Variants in F10 observed in about 807,000 individuals in gnomAD.
F10 encodes the protein Stuart-Prower factor.
Under a neutral mutation model 37.1 loss-of-function variants are expected in F10, and 29 were observed. The observed-to-expected ratio is 0.78, with a 90% confidence interval of 0.58 to 1.07. F10 has a LOEUF of 1.07. Among genes scored for constraint, F10 ranks in the 50% least tolerant of loss-of-function variants. The probability of loss-of-function intolerance (pLI) is 0.00; values close to 1 mark genes in which losing one functional copy is unlikely to be tolerated. For missense variants in F10, 539 were observed against 667.9 expected (o/e 0.81, Z 2.13); for synonymous variants, 262 against 268.6 (o/e 0.98, Z 0.24).
chr13:113,146,078 G>A lies in F10; in HGVS notation c.748-1301G>A, dbSNP rs554415983. ...CCCAGGTCTTCCCCCACCCCAGACC[G>A]TGTGGCGGGTGAGCCTCTGTCTAAC... On this transcript the variant is annotated intron_variant, in intron 6 of 7. Transcript: ENST00000375559. The surrounding 1 kb of genome is among the most constrained non-coding windows in gnomAD (Gnocchi z 4.5). Among the ~76,000 whole-genome samples, 46 of 152,286 alleles carry A rather than the reference G, an allele frequency of 3.0e-4. No individual in the cohort carries two copies. Among genetic ancestry groups the A allele is most frequent in the East Asian group, 1.7e-3 (9 of 5,182 alleles).
rs1041008291 is a variant in F10 at position 113,143,293 on chromosome 13, T to G, written c.503-558T>G. 6.6e-6 allele frequency among the ~76,000 whole-genome samples: 1 copy of G among 152,196 alleles called. No individual in the cohort carries two copies. The highest frequency in any genetic ancestry group is 1.9e-4 in the East Asian group (1 of 5,186). On this transcript the variant is annotated intron_variant, in intron 5 of 7. Coordinates refer to ENST00000375559, the MANE Select transcript of F10 (RefSeq NM_000504.4). The surrounding 1 kb of genome is among the most constrained non-coding windows in gnomAD (Gnocchi z 6.8). ...TCCTAACATCTCGGCGTGGCCTCTC[T>G]GGGAGCTGTGCTATTCCAGACGCTC...
In F10 at chr13:113,141,193, CT is replaced by C. The variant is rs2036524865; in HGVS notation, c.502+144del. ...GACACCAAGAGGACAGGACTGAGCC[CT>C]GGGCTCCGGGCCCAGGTGGTTCAAA... On this transcript the variant is annotated intron_variant, in intron 5 of 7. Coordinates refer to ENST00000375559, the MANE Select transcript of F10 (RefSeq NM_000504.4). This position sits in a 1 kb window ranked among gnomAD's most constrained non-coding sequence, Gnocchi z 5.4. 2 of 1,222,862 alleles carry C rather than the reference CT, an allele frequency of 1.6e-6. No individual in the cohort carries two copies. The highest frequency in any genetic ancestry group is 2.1e-5 in the Admixed American group (1 of 47,834). 75.8% of individuals were successfully genotyped at this position (1,222,862 alleles called of 1,614,324 possible).
rs2036505365 is a variant in F10 at position 113,139,244 on chromosome 13, C to T, written c.257-113C>T. On this transcript the variant is annotated intron_variant, in intron 3 of 7. Transcript: ENST00000375559. The surrounding 1 kb of genome is among the most constrained non-coding windows in gnomAD (Gnocchi z 5.2). ...GAGGGGGAGTTGTTTACAGAGAAACCGGAAGACTCTTCCAGTTATCTGAAC... is the reference window on the plus strand; with the variant it reads ...GAGGGGGAGTTGTTTACAGAGAAACTGGAAGACTCTTCCAGTTATCTGAAC... 3 of 807,622 alleles carry T rather than the reference C, an allele frequency of 3.7e-6. No individual in the cohort carries two copies. The highest frequency in any genetic ancestry group is 1.7e-5 in the African/African-American group (1 of 58,832). The allele number at this position is 807,622 out of a possible 1,614,324, so 50.0% of individuals were successfully genotyped here.
In F10 at chr13:113,143,024, G is replaced by C. The variant is rs901492772; in HGVS notation, c.503-827G>C. Among the ~76,000 whole-genome samples the C allele has an allele frequency of 1.3e-5, 2 of 152,196 alleles. No homozygotes were observed. The highest frequency in any genetic ancestry group is 4.8e-5 in the African/African-American group (2 of 41,446). ...CACATGGACAGAGCTGAGGCACGGC[G>C]GGGTGGAGGCCCCTGCGGCTGGCAG... is the stretch of plus-strand genomic sequence containing the variant. On this transcript the variant is annotated intron_variant, in intron 5 of 7. Coordinates refer to ENST00000375559, the MANE Select transcript of F10 (RefSeq NM_000504.4). This position sits in a 1 kb window ranked among gnomAD's most constrained non-coding sequence, Gnocchi z 6.8.
chr13:113,130,584 C>T (rs1256186160), intron 2 of F10: 1 of 152,286 alleles, frequency 6.6e-6, no homozygotes, highest in Non-Finnish European at 1.5e-5. Flanking sequence ...TAACTGTGGA[C>T]CCAAATGGAA....
Position 113,144,241 on chromosome 13 carries a change from C to A in F10, c.747+146C>A. ...AGAGGGGCTCCGCCACCCAAGCCTG[C>A]CTGCCTGTCCCCTCCCTCCGGGCAG... On this transcript the variant is annotated intron_variant, in intron 6 of 7. Coordinates refer to ENST00000375559, the MANE Select transcript of F10 (RefSeq NM_000504.4). The surrounding 1 kb of genome is among the most constrained non-coding windows in gnomAD (Gnocchi z 6.4). 2.4e-6 allele frequency: 3 copies of A among 1,246,288 alleles called. No homozygotes were observed. Among genetic ancestry groups the A allele is most frequent in the Non-Finnish European group, 2.2e-6 (2 of 892,072 alleles). 77.2% of individuals were successfully genotyped at this position (1,246,288 alleles called of 1,614,324 possible). A position where few individuals can be genotyped will look rare whatever the true frequency, so the allele number is the denominator to read the frequency against.
At chr13:113,134,920 A>G (rs551065614) in intron 2 of F10, among the ~76,000 whole-genome samples, 5 of 152,322 alleles carry the variant, frequency 3.3e-5, no homozygotes, top group Admixed American at 2.6e-4. Flanking sequence ...TACAGTGTTC[A>G]TGGATTGAAA....
chr13:113,129,630 C>A lies in F10; in HGVS notation c.231+18C>A. Reference sequence around the variant, plus strand: ...ACAAGACGGTAAGGGCTGGGGATAGCCTGGCTGTTGGTAAGGAGCTCAGGC... The same window carrying A: ...ACAAGACGGTAAGGGCTGGGGATAGACTGGCTGTTGGTAAGGAGCTCAGGC... On this transcript the variant is annotated intron_variant, in intron 2 of 7. Transcript: ENST00000375559. 6.2e-7 allele frequency: 1 copy of A among 1,613,840 alleles called. No individual in the cohort carries two copies. The highest frequency in any genetic ancestry group is 8.5e-7 in the Non-Finnish European group (1 of 1,179,948).
rs1209145230 is a variant in F10, at chr13:113,144,724, T to A, written c.747+629T>A. On this transcript the variant is annotated intron_variant, in intron 6 of 7. Transcript: ENST00000375559. The surrounding 1 kb of genome is among the most constrained non-coding windows in gnomAD (Gnocchi z 6.4). ...AAAGAAAATCACTCTTTGAGGCTTTTTTGTTAAGAGACAGTACCTTGCTCT... is the reference window on the plus strand; with the variant it reads ...AAAGAAAATCACTCTTTGAGGCTTTATTGTTAAGAGACAGTACCTTGCTCT... Among the ~76,000 whole-genome samples the A allele has an allele frequency of 3.3e-5, 5 of 152,236 alleles. No homozygotes were observed. In the East Asian group the frequency reaches 9.6e-4, roughly 29 times the overall value.
intron 2 of F10, 96 bp downstream of exon 2, chr13:113,129,708 A>G (rs1874763655): frequency 1.3e-6 from 2 of 1,527,644 alleles, no homozygotes; most frequent in Admixed American, 1.7e-5. Context: ...GGCGGCCTGG[A>G]GGAAGGGGCA....
At position 113,129,589 on chromosome 13, in the gene F10, G is replaced by T. The variant is rs769426085; in HGVS notation, c.208G>T (p.Val70Phe). ...CTGCTCATACGAAGAGGCCCGCGAG[G>T]TCTTTGAGGACAGCGACAAGACGGT... ...ETCSYEEAREVFEDSDKTNEF... is the reference protein window; with the variant it reads ...ETCSYEEAREFFEDSDKTNEF... The change falls in exon 2 of 8, where the codon GTC becomes TTC. Residue 70 changes from valine (V) to phenylalanine (F), a missense_variant. Val to Phe is a conservative substitution (Grantham distance 50). Around this residue, in one of 2 missense-constraint regions of F10, gnomAD observed 130 missense variants for 120.0 expected, o/e 1.08. Transcript: ENST00000375559. 6.2e-7 allele frequency: 1 copy of T among 1,614,124 alleles called. No individual in the cohort carries two copies. The highest frequency in any genetic ancestry group is 1.3e-5 in the African/African-American group (1 of 74,944).
In F10 at chr13:113,143,700, C is replaced by CGAA; in HGVS notation, c.503-150_503-149insAAG. ...CTGCAGATCCGACCCCTGCCGACGA[C>CGAA]GTGGGGCCTCGCCCTGCAAGCCCGC... On this transcript the variant is annotated intron_variant, in intron 5 of 7. Transcript: ENST00000375559. The surrounding 1 kb of genome is among the most constrained non-coding windows in gnomAD (Gnocchi z 6.8). 1.0e-4 allele frequency: 119 copies of CGAA among 1,143,790 alleles called. No individual in the cohort carries two copies. Among genetic ancestry groups the CGAA allele is most frequent in the Admixed American group, 4.2e-4 (17 of 40,562 alleles). The allele number at this position is 1,143,790 out of a possible 1,614,324, so 70.9% of individuals were successfully genotyped here.
chr13:113,129,456 C>A lies in F10; in HGVS notation c.75C>A (p.Phe25Leu). ...CCTGTCCTCCCTGCCTTCCAGTGTTCATCCGCAGGGAGCAGGCCAACAACA... is the reference window on the plus strand; with the variant it reads ...CCTGTCCTCCCTGCCTTCCAGTGTTAATCCGCAGGGAGCAGGCCAACAACA... Reference protein sequence around the residue: ...AGLLLLGESLFIRREQANNIL... With the variant: ...AGLLLLGESLLIRREQANNIL... The change falls in exon 2 of 8, where the codon TTC (phenylalanine) becomes TTA (leucine). Residue 25 changes from phenylalanine (F) to leucine (L), a missense_variant. This residue lies in a region of F10 where 130 missense variants were observed against 120.0 expected (regional missense o/e 1.08). Transcript: ENST00000375559. The A allele has an allele frequency of 5.6e-6, 9 of 1,613,742 alleles. No homozygotes were observed. The highest frequency in any genetic ancestry group is 7.6e-6 in the Non-Finnish European group (9 of 1,180,000).
chr13:113,149,277 C>A lies in F10; in HGVS notation c.1227C>A (p.Thr409=), dbSNP rs760820739. ...ACATGTTCTGTGCCGGCTACGACAC[C>A]AAGCAGGAGGATGCCTGCCAGGGGG... ...TQNMFCAGYD[T]KQEDACQGDS... is the part of the protein sequence containing the mutation. Residue 409 remains threonine, a synonymous_variant, in exon 8 of 8, where the codon ACC becomes ACA. Transcript: ENST00000375559. The surrounding 1 kb of genome is among the most constrained non-coding windows in gnomAD (Gnocchi z 7.5). The A allele has an allele frequency of 3.7e-6, 6 of 1,613,086 alleles. No individual in the cohort carries two copies. The highest frequency in any genetic ancestry group is 5.1e-6 in the Non-Finnish European group (6 of 1,180,040).
In F10 at chr13:113,145,893, T is replaced by G. The variant is rs551829453; in HGVS notation, c.748-1486T>G. Among the ~76,000 whole-genome samples the G allele has an allele frequency of 3.5e-4, 54 of 152,254 alleles. 1 individual carries two copies. In the South Asian group the frequency reaches 0.011, roughly 31 times the overall value. The stretch of plus-strand genomic sequence containing the variant: ...CACGGGAAATATGGGAGCTACAGTT[T>G]GAGATGAGATTTGGGTGGGGACACA... On this transcript the variant is annotated intron_variant, in intron 6 of 7. Coordinates refer to ENST00000375559, the MANE Select transcript of F10 (RefSeq NM_000504.4).
At chr13:113,123,033 G>T in intron 1 of F10, 108 bp downstream of exon 1, 3 of 1,319,988 alleles carry the variant, frequency 2.3e-6, no homozygotes, top group South Asian at 2.5e-5. Flanking sequence ...GGTGCCTTGA[G>T]TGCTGCCAGA....
At chr13:113,133,986 T>C (rs554796789) in intron 2 of F10, among the ~76,000 whole-genome samples, 3 of 152,292 alleles carry the variant, frequency 2.0e-5, no homozygotes, top group East Asian at 3.9e-4. Flanking sequence ...TATGATTTTA[T>C]AAAAAACCTA....
chr13:113,141,971 G>A lies in F10; in HGVS notation c.502+921G>A, dbSNP rs986324804. 2.0e-5 allele frequency among the ~76,000 whole-genome samples: 3 copies of A among 152,182 alleles called. No homozygotes were observed. The highest frequency in any genetic ancestry group is 6.5e-5 in the Admixed American group (1 of 15,274). On this transcript the variant is annotated intron_variant, in intron 5 of 7. Transcript: ENST00000375559. This position sits in a 1 kb window ranked among gnomAD's most constrained non-coding sequence, Gnocchi z 5.4. ...TCCCCTCCAGACACAGGTTACTCCCGAGTGTTCTGTCACTCTTCCTTTCAT... is the reference window on the plus strand; with the variant it reads ...TCCCCTCCAGACACAGGTTACTCCCAAGTGTTCTGTCACTCTTCCTTTCAT...
At chr13:113,135,230 C>T (rs1447695822) in intron 2 of F10, among the ~76,000 whole-genome samples, 5 of 148,758 alleles carry the variant, frequency 3.4e-5, no homozygotes, top group South Asian at 2.1e-4. Context: ...GCAACAAGAG[C>T]GAAACTCTGT....
Sources: allele counts gnomAD v4.1 joint callset (sites outside exome capture counted in the v4.1 genomes callset), GRCh38; gene constraint gnomAD v4.1.1; regional missense constraint gnomAD v4.1.1; non-coding constraint Gnocchi (gnomAD v3.1); transcripts MANE v1.5; gene names NCBI Gene and HGNC (gene_info 2026-07-23, HGNC 2026-07-21).